The following IGDCC3 variants were observed in gnomAD, a reference collection of about 807,000 sequenced individuals.
The protein encoded by IGDCC3 is putative neuronal cell adhesion molecule.
Under a neutral mutation model 72.0 loss-of-function variants are expected in IGDCC3, and 47 were observed. The observed-to-expected ratio is 0.65, with a 90% CI of 0.52 to 0.83. The LOEUF (loss-of-function observed/expected upper bound fraction) is 0.83. Among genes scored for constraint, IGDCC3 ranks in the 40% least tolerant of loss-of-function variants. The pLI, the probability that IGDCC3 is intolerant of heterozygous loss-of-function variation, is 0.00. For missense variants in IGDCC3, 1,038 were observed against 1,091.3 expected, an observed-to-expected ratio of 0.95 and a Z score of 0.69; for synonymous variants, 477 against 472.8, an observed-to-expected ratio of 1.01 and a Z score of -0.11.
At chr15:65,368,156 T>TCACACACA (rs1396286128) in intron 2 of IGDCC3, among the ~76,000 whole-genome samples, 1 of 53,398 alleles carries the variant, frequency 1.9e-5, no homozygotes, top group African/African-American at 7.8e-5. Flanking sequence ...TCTCTCTCTT[T>TCACACACA]CACTCACACA....
Position 65,330,665 on chromosome 15 carries a change from C to G in IGDCC3, c.1638G>C (p.Arg546=). ...TGAAGCCGCCCTCGTGCTGGGCCAG[C>G]CGGGGCCAAGGCTCCCACAGCAGCT... ...SLQLLWEPWP[R]LAQHEGGFKL... Residue 546 remains arginine, a synonymous_variant, in exon 10 of 14, where the codon CGG becomes CGC. Coordinates refer to ENST00000327987, the MANE Select transcript of IGDCC3 (RefSeq NM_004884.4). 1 of 1,613,526 alleles carries G rather than the reference C, an allele frequency of 6.2e-7. No individual in the cohort carries two copies. Among genetic ancestry groups the G allele is most frequent in the South Asian group, 1.1e-5 (1 of 91,064 alleles).
At chr15:65,366,451 C>T (rs2140168189) in intron 2 of IGDCC3, among the ~76,000 whole-genome samples, 1 of 151,958 alleles carries the variant, frequency 6.6e-6, no homozygotes, top group South Asian at 2.1e-4. Flanking sequence ...AAGGAAGAAG[C>T]TTGGGAGGAC....
chr15:65,331,751 G>A, intron 7 of IGDCC3, 92 bp from the exon 8 acceptor site: 4 of 1,459,958 alleles, frequency 2.7e-6, no homozygotes, highest in Non-Finnish European at 3.6e-6. Flanking sequence ...AGTCTTTCCA[G>A]GAGACAAACG....
chr15:65,333,076 C>T (rs894447107), intron 6 of IGDCC3, among the ~76,000 whole-genome samples, 181 bp downstream of exon 6: 1 of 152,254 alleles, frequency 6.6e-6, no homozygotes, highest in African/African-American at 2.4e-5. Flanking sequence ...CCATTCCCAA[C>T]GCAAGCATTC....
In IGDCC3 at chr15:65,328,840, T is replaced by C. The variant is rs760417011; in HGVS notation, c.*69A>G. ...GGACCATCCAAATCCCACATGACAG[T>C]AGAAATCTTGCTTTTGACCTGAGAA... On this transcript the variant is annotated 3_prime_UTR_variant, in exon 14 of 14. Transcript: ENST00000327987. The C allele has an allele frequency of 5.6e-5, 83 of 1,483,876 alleles. 1 individual carries two copies. The highest frequency in any genetic ancestry group is 1.8e-4 in the Middle Eastern group (1 of 5,520). 91.9% of individuals were successfully genotyped at this position (1,483,876 alleles called of 1,614,324 possible). A position where few individuals can be genotyped will look rare whatever the true frequency, so the allele number is the denominator to read the frequency against.
chr15:65,334,986 G>A, intron 4 of IGDCC3, 121 bp from the exon 5 acceptor site: 1 of 1,195,734 alleles, frequency 8.4e-7, no homozygotes, highest in South Asian at 1.6e-5. Context: ...CAGGTCCTGT[G>A]GGCAGAGAGA....
At chr15:65,343,809 G>A (rs1028149607) in intron 2 of IGDCC3, among the ~76,000 whole-genome samples, 5 of 152,190 alleles carry the variant, frequency 3.3e-5, no homozygotes, top group Non-Finnish European at 7.3e-5. Context: ...ACCTGCAAAT[G>A]TCCCATCTCT....
At chr15:65,334,172 G>A (rs533175924) in intron 5 of IGDCC3, among the ~76,000 whole-genome samples, 1 of 152,132 alleles carries the variant, frequency 6.6e-6, no homozygotes, top group East Asian at 1.9e-4. Context: ...ACCCCCTCCA[G>A]AGTTTCCTTC....
intron 2 of IGDCC3, among the ~76,000 whole-genome samples, chr15:65,338,166 T>C (rs2141039381): frequency 6.6e-6 from 1 of 152,320 alleles, no homozygotes; most frequent in African/African-American, 2.4e-5. Context: ...TATCCGTCAC[T>C]GTGCATAGTG....
intron 2 of IGDCC3, among the ~76,000 whole-genome samples, chr15:65,368,407 G>A (rs2091302719): frequency 6.6e-6 from 1 of 152,176 alleles, no homozygotes; most frequent in East Asian, 1.9e-4. Flanking sequence ...ACAATGCCAG[G>A]AACAGGAACA....
chr15:65,330,693 A>C lies in IGDCC3; in HGVS notation c.1610T>G (p.Leu537Trp). Residue 537 changes from leucine to tryptophan, a missense_variant, in exon 10 of 14, where the codon TTG becomes TGG. Leu to Trp is a moderately conservative substitution (Grantham distance 61). Transcript: ENST00000327987. ...GGGCCAAGGCTCCCACAGCAGCTGC[A>C]AGGAGGAGCTGCCCAGGACTCGCAC... is the stretch of plus-strand genomic sequence containing the variant. ...LSVRVLGSSSLQLLWEPWPRL... is the reference protein window; with the variant it reads ...LSVRVLGSSSWQLLWEPWPRL... 3 of 1,613,186 alleles carry C rather than the reference A, an allele frequency of 1.9e-6. No individual in the cohort carries two copies. The South Asian group carries it at 3.3e-5, about 18-fold the overall frequency.
intron 2 of IGDCC3, among the ~76,000 whole-genome samples, chr15:65,340,807 C>A (rs2091074127): frequency 6.6e-6 from 1 of 152,212 alleles, no homozygotes; most frequent in African/African-American, 2.4e-5. Context: ...CAGCTCACTG[C>A]AACCTCTGCC....
intron 2 of IGDCC3, among the ~76,000 whole-genome samples, chr15:65,346,790 G>A (rs1406868858): frequency 6.6e-6 from 1 of 152,212 alleles, no homozygotes; most frequent in East Asian, 1.9e-4. Context: ...CTGGATATGT[G>A]ATCTTGGTAA....
intron 5 of IGDCC3, 23 bp from the exon 6 acceptor site, chr15:65,333,438 A>G (rs1595750558): frequency 6.3e-7 from 1 of 1,576,236 alleles, no homozygotes. Flanking sequence ...GGGAGGGGGG[A>G]TGGGTGAGGG....
At chr15:65,345,597 C>A (rs2091118554) in intron 2 of IGDCC3, among the ~76,000 whole-genome samples, 1 of 145,388 alleles carries the variant, frequency 6.9e-6, no homozygotes, top group Non-Finnish European at 1.5e-5. Context: ...CACGCATGCA[C>A]ACACAGACAC....
chr15:65,333,482 A>C, intron 5 of IGDCC3, 67 bp from the exon 6 acceptor site: 1 of 1,433,342 alleles, frequency 7.0e-7, no homozygotes, highest in Non-Finnish European at 9.3e-7. Flanking sequence ...AAAGTAAAGG[A>C]AACTTCCAGA....
chr15:65,333,238 A>G lies in IGDCC3; in HGVS notation c.982+19T>C. ...TGCGGAGATCCCTGCCCTCCTCCTC[A>G]GGGTTGGCTGATCCATACCTTGCAC... On this transcript the variant is annotated intron_variant, in intron 6 of 13. Coordinates refer to ENST00000327987, the MANE Select transcript of IGDCC3 (RefSeq NM_004884.4). 6.3e-7 allele frequency: 1 copy of G among 1,583,844 alleles called. No homozygotes were observed. Among genetic ancestry groups the G allele is most frequent in the South Asian group, 1.2e-5 (1 of 86,532 alleles).
In IGDCC3 at chr15:65,335,825, T is replaced by C. The variant is rs142065230; in HGVS notation, c.541A>G (p.Thr181Ala). 6.8e-6 allele frequency: 11 copies of C among 1,614,032 alleles called. No homozygotes were observed. The East Asian group carries it at 2.0e-4, about 29-fold the overall frequency. ...CACGTGGCTCACCTCTCATTGTCCG[T>C]GTCAATTGGGACTCTGTTCTTCTCC... The part of the protein sequence containing the change: ...TWEKNRVPID[T>A]DNERYTLLPK... The change falls in exon 3 of 14, where the codon ACG becomes GCG. Residue 181 changes from threonine to alanine, a missense_variant. Coordinates refer to ENST00000327987, the MANE Select transcript of IGDCC3 (RefSeq NM_004884.4).
In IGDCC3 at chr15:65,335,282, G is replaced by A. The variant is rs1339631426; in HGVS notation, c.685+9C>T. 5 of 1,603,058 alleles carry A rather than the reference G, an allele frequency of 3.1e-6. No homozygotes were observed. Among genetic ancestry groups the A allele is most frequent in the Admixed American group, 1.7e-5 (1 of 58,734 alleles). ...GGGAGGTTGGGGGAAAGTGCTGAAG[G>A]ACCCTCACCTGACACAGTGAGCCTG... On this transcript the variant is annotated intron_variant, in intron 4 of 13. Coordinates refer to ENST00000327987, the MANE Select transcript of IGDCC3 (RefSeq NM_004884.4).
Sources: gnomAD v4.1 joint callset for allele counts (sites outside exome capture counted in the v4.1 genomes callset) on GRCh38, gnomAD v4.1.1 for gene constraint, MANE v1.5 for transcripts, NCBI Gene and HGNC (gene_info 2026-07-23, HGNC 2026-07-21) for gene names.